CRYL1: variants seen among roughly 807,000 people sequenced by gnomAD.
CRYL1 encodes the protein lambda-crystallin homolog.
Under a neutral mutation model 36.6 loss-of-function variants are expected in CRYL1, and 29 were observed. That is an observed-to-expected ratio of 0.79 (90% CI 0.59 to 1.08). The LOEUF (loss-of-function observed/expected upper bound fraction) is 1.08. Ranked by LOEUF, CRYL1 falls within the 50% of genes least tolerant of loss-of-function variation. The pLI is 0.00. For synonymous variants in CRYL1, 152 were observed against 151.5 expected, an observed-to-expected ratio of 1.00 and a Z score of -0.02; for missense variants, 411 against 407.9, an observed-to-expected ratio of 1.01 and a Z score of -0.06.
At chr13:20,444,904 G>C (rs149135775) in intron 3 of CRYL1, among the ~76,000 whole-genome samples, 2,575 of 152,270 alleles carry the variant, frequency 0.017, 70 homozygotes, top group African/African-American at 0.059. Flanking sequence ...TTTTAGTAGA[G>C]ACGGGGTTTC....
chr13:20,481,638 T>C lies in CRYL1; in HGVS notation c.276+7732A>G, dbSNP rs2033278619. 6.6e-6 allele frequency among the ~76,000 whole-genome samples: 1 copy of C among 152,132 alleles called. No homozygotes were observed. ...AGAAAAAAACACGTATGGCCATGCGTGGTGGCTCACTCCTGTAATTCCAGC... is the reference window on the plus strand; with the variant it reads ...AGAAAAAAACACGTATGGCCATGCGCGGTGGCTCACTCCTGTAATTCCAGC... On this transcript the variant is annotated intron_variant, in intron 3 of 7. Coordinates refer to ENST00000298248, the MANE Select transcript of CRYL1 (RefSeq NM_015974.3). The surrounding 1 kb of genome is among the most constrained non-coding windows in gnomAD (Gnocchi z 4.1).
intron 6 of CRYL1, among the ~76,000 whole-genome samples, chr13:20,408,349 G>A (rs1456994051): frequency 6.6e-6 from 1 of 152,168 alleles, no homozygotes. Flanking sequence ...GTCTACACAG[G>A]AGAGGAAATC....
intron 6 of CRYL1, among the ~76,000 whole-genome samples, chr13:20,408,401 G>GCGATTTC: frequency 6.6e-6 from 1 of 152,316 alleles, no homozygotes; most frequent in East Asian, 1.9e-4. Context: ...TCCCCTGGAG[G>GCGATTTC]CGATTTCCAC....
chr13:20,442,261 T>C (rs116693947), intron 3 of CRYL1, among the ~76,000 whole-genome samples: 2,318 of 152,334 alleles, frequency 0.015, 66 homozygotes, highest in African/African-American at 0.053. Context: ...GAAACTCAAA[T>C]CTGTTACAAT....
At chr13:20,426,823 T>A (rs930843588) in intron 5 of CRYL1, 29 of 985,304 alleles carry the variant, frequency 2.9e-5, no homozygotes, top group South Asian at 1.4e-4. Flanking sequence ...CAGGGCCCCA[T>A]CCAGATGCCC....
At chr13:20,426,996 G>T in intron 5 of CRYL1, 1 of 985,606 alleles carries the variant, frequency 1.0e-6, no homozygotes, top group Non-Finnish European at 1.2e-6. Context: ...CACACCAGCA[G>T]GCTGAGAACC....
At chr13:20,460,578 T>G (rs1244571793) in intron 3 of CRYL1, among the ~76,000 whole-genome samples, 8 of 124,280 alleles carry the variant, frequency 6.4e-5, no homozygotes, top group Non-Finnish European at 3.2e-5. Flanking sequence ...CAGGCTGGAG[T>G]GCAGTGGCGC....
chr13:20,404,041 A>T lies in CRYL1; in HGVS notation c.*88T>A. ...CAGCTTAGGATCTCCGTGGGCTGCT[A>T]CCTATGTCACAGAGGGCTGATTAAG... On this transcript the variant is annotated 3_prime_UTR_variant, in exon 8 of 8. Transcript: ENST00000298248. 1 of 898,974 alleles carries T rather than the reference A, an allele frequency of 1.1e-6. No homozygotes were observed. Among genetic ancestry groups the T allele is most frequent in the Non-Finnish European group, 1.8e-6 (1 of 551,442 alleles). The allele number at this position is 898,974 out of a possible 1,614,324, so 55.7% of individuals were successfully genotyped here. A position where few individuals can be genotyped will look rare whatever the true frequency, so the allele number is the denominator to read the frequency against.
At chr13:20,518,566 G>A (rs1193518851) in intron 1 of CRYL1, among the ~76,000 whole-genome samples, 1 of 152,144 alleles carries the variant, frequency 6.6e-6, no homozygotes, top group East Asian at 1.9e-4. Flanking sequence ...AGGGATTTTG[G>A]TTTTTACTGA....
chr13:20,421,744 T>C (rs1057435373), intron 5 of CRYL1, among the ~76,000 whole-genome samples: 1 of 152,094 alleles, frequency 6.6e-6, no homozygotes, highest in East Asian at 1.9e-4. Context: ...CAAGCACCTA[T>C]TGGTAATGAT....
chr13:20,491,846 A>G (rs1376737349), intron 2 of CRYL1, among the ~76,000 whole-genome samples: 2 of 152,134 alleles, frequency 1.3e-5, no homozygotes, highest in Non-Finnish European at 2.9e-5. Context: ...ACAAAACCAA[A>G]TATGTGTCTT....
chr13:20,495,126 T>C (rs2033583374), intron 2 of CRYL1, among the ~76,000 whole-genome samples: 1 of 152,256 alleles, frequency 6.6e-6, no homozygotes, highest in African/African-American at 2.4e-5. Context: ...TCCAATTTTT[T>C]TTATTCTTTT....
intron 5 of CRYL1, chr13:20,426,694 G>C (rs1232378055): frequency 1.0e-6 from 1 of 985,190 alleles, no homozygotes; most frequent in Non-Finnish European, 1.2e-6. Flanking sequence ...CCACAAAAAA[G>C]CCTCATCTGT....
intron 3 of CRYL1, among the ~76,000 whole-genome samples, chr13:20,477,700 AAT>A (rs202018381): frequency 0.016 from 2,392 of 146,756 alleles, 27 homozygotes; most frequent in Middle Eastern, 0.04. Flanking sequence ...ATATATTAAA[AAT>A]ATATATAATA....
chr13:20,495,482 A>C (rs2033589050), intron 2 of CRYL1, among the ~76,000 whole-genome samples: 1 of 152,168 alleles, frequency 6.6e-6, no homozygotes, highest in South Asian at 2.1e-4. Context: ...ACTCAAAAGG[A>C]GCATGTATTT....
At chr13:20,426,762 C>T (rs969761625) in intron 5 of CRYL1, 13 of 985,422 alleles carry the variant, frequency 1.3e-5, no homozygotes, top group South Asian at 4.7e-5. Flanking sequence ...TGTCTCCTAA[C>T]AGTTGGCAGA....
At chr13:20,504,189 C>T (rs115500213) in intron 2 of CRYL1, among the ~76,000 whole-genome samples, 3,618 of 152,164 alleles carry the variant, frequency 0.024, 146 homozygotes, top group African/African-American at 0.081. Flanking sequence ...CCACCTGCTA[C>T]GTGGAAATGA....
chr13:20,516,743 G>A (rs1005948885), intron 1 of CRYL1, among the ~76,000 whole-genome samples: 1 of 152,006 alleles, frequency 6.6e-6, no homozygotes, highest in Non-Finnish European at 1.5e-5. Flanking sequence ...GCCTCCAAAA[G>A]TGCTAGGATT....
intron 5 of CRYL1, among the ~76,000 whole-genome samples, chr13:20,414,775 C>G (rs11147693): frequency 0.075 from 11,380 of 152,272 alleles, 1,146 homozygotes; most frequent in African/African-American, 0.22. Context: ...TGGAGGCAGG[C>G]AAGCGCAGAT....
Sources: gnomAD v4.1 joint callset for allele counts (sites outside exome capture counted in the v4.1 genomes callset) on GRCh38, gnomAD v4.1.1 for gene constraint, Gnocchi (gnomAD v3.1) non-coding constraint, MANE v1.5 for transcripts, NCBI Gene and HGNC (gene_info 2026-07-23, HGNC 2026-07-21) for gene names.